AKT3: variants seen among roughly 807,000 people sequenced by gnomAD.
AKT3 encodes the protein AKT serine/threonine kinase 3.
In AKT3, 15 loss-of-function variants were observed where a neutral mutation model predicts 65.3. The observed-to-expected ratio is 0.23, with a 90% CI of 0.15 to 0.35. The LOEUF is 0.35. Among genes scored for constraint, AKT3 ranks in the 10% least tolerant of loss-of-function variants. The probability of loss-of-function intolerance (pLI) is 1.00; values close to 1 mark genes in which losing one functional copy is unlikely to be tolerated. For synonymous variants in AKT3, 206 were observed against 183.8 expected (o/e 1.12, Z -0.98); for missense variants, 243 against 576.5 (o/e 0.42, Z 5.92).
chr1:243,690,702 A>T (rs1275193975), intron 3 of AKT3, among the ~76,000 whole-genome samples: 1 of 144,968 alleles, frequency 6.9e-6, no homozygotes, highest in Non-Finnish European at 1.5e-5. Flanking sequence ...AGGTCTCATC[A>T]CCATAAATCT....
intron 6 of AKT3, among the ~76,000 whole-genome samples, chr1:243,617,889 A>G (rs932467451): frequency 1.3e-5 from 2 of 152,180 alleles, no homozygotes; most frequent in Non-Finnish European, 2.9e-5. Context: ...CATGCCTCCA[A>G]CATGAGAGTG....
chr1:243,629,726 G>A (rs556095311), intron 6 of AKT3, among the ~76,000 whole-genome samples: 86 of 151,964 alleles, frequency 5.7e-4, no homozygotes, highest in Non-Finnish European at 5.6e-4. Flanking sequence ...CAGGAGGCGG[G>A]GCTTGCAGTG....
At chr1:243,589,640 G>A (rs564332593) in intron 8 of AKT3, among the ~76,000 whole-genome samples, 2 of 152,230 alleles carry the variant, frequency 1.3e-5, no homozygotes, top group South Asian at 2.1e-4. Context: ...CATAAGAAAC[G>A]AAAAATAGAA....
chr1:243,652,771 CAAAAAAAA>C (rs371580711), intron 4 of AKT3, among the ~76,000 whole-genome samples: 1 of 31,290 alleles, frequency 3.2e-5, no homozygotes, highest in African/African-American at 1.3e-4. Flanking sequence ...AAATAGAAAG[CAAAAAAAA>C]AAAAAAAAAA....
chr1:243,547,102 A>T (rs1450553112), intron 11 of AKT3: 2 of 152,148 alleles, frequency 1.3e-5, no homozygotes, highest in African/African-American at 4.8e-5. Context: ...ACAAAACAGT[A>T]AGTGCAGCCC....
intron 2 of AKT3, among the ~76,000 whole-genome samples, chr1:243,736,955 CAT>C (rs1167726829): frequency 2.0e-5 from 3 of 152,108 alleles, no homozygotes; most frequent in Non-Finnish European, 2.9e-5. Context: ...ATTATCTGAA[CAT>C]AGAGCAATCT....
In AKT3 at chr1:243,668,078, T is replaced by C. The variant is rs186513365; in HGVS notation, c.173-3195A>G. On this transcript the variant is annotated intron_variant, in intron 3 of 13. Coordinates refer to ENST00000673466, the MANE Select transcript of AKT3 (RefSeq NM_005465.7). ...CCATTTTCTAACATTTGATATGAAG[T>C]TTTTTAGTATCTTTTTTGCTTATTG... Among the ~76,000 whole-genome samples the C allele has an allele frequency of 3.7e-3, 560 of 152,292 alleles. 2 individuals carry two copies. Among genetic ancestry groups the C allele is most frequent in the Non-Finnish European group, 5.0e-3 (338 of 68,026 alleles).
chr1:243,621,817 T>TC (rs555378282), intron 6 of AKT3, among the ~76,000 whole-genome samples: 1 of 152,154 alleles, frequency 6.6e-6, no homozygotes, highest in Non-Finnish European at 1.5e-5. Context: ...TCCTTTTTTT[T>TC]CCCACTCATA....
chr1:243,849,215 G>C (rs1189747991), intron 1 of AKT3, among the ~76,000 whole-genome samples: 1 of 152,226 alleles, frequency 6.6e-6, no homozygotes, highest in Admixed American at 6.5e-5. Flanking sequence ...AGGCTGGTCT[G>C]TTTACTTGCA....
intron 8 of AKT3, among the ~76,000 whole-genome samples, chr1:243,610,368 A>G (rs1284605715): frequency 6.6e-6 from 1 of 152,228 alleles, no homozygotes; most frequent in Admixed American, 6.5e-5. Context: ...CTAGGGTTAT[A>G]CCGTGAACAA....
chr1:243,748,680 A>G (rs1323726628), intron 2 of AKT3, among the ~76,000 whole-genome samples: 2 of 152,216 alleles, frequency 1.3e-5, no homozygotes, highest in East Asian at 1.9e-4. Context: ...CACAGTATTA[A>G]TAACTTGAAG....
chr1:243,522,795 A>G (rs374068030), intron 12 of AKT3, among the ~76,000 whole-genome samples: 10 of 152,210 alleles, frequency 6.6e-5, no homozygotes, highest in Non-Finnish European at 1.3e-4. Context: ...AACCAGAAAT[A>G]AATAAAAAAT....
intron 2 of AKT3, among the ~76,000 whole-genome samples, chr1:243,732,871 T>C (rs1310877757): frequency 6.6e-6 from 1 of 152,188 alleles, no homozygotes; most frequent in East Asian, 1.9e-4. Context: ...AGAATGTAAA[T>C]GTAAACAGGA....
intron 2 of AKT3, among the ~76,000 whole-genome samples, chr1:243,774,378 A>C (rs1418764445): frequency 6.6e-6 from 1 of 152,154 alleles, no homozygotes; most frequent in Non-Finnish European, 1.5e-5. Context: ...CTTTGAGTTA[A>C]TGTCTATAAA....
intron 6 of AKT3, among the ~76,000 whole-genome samples, chr1:243,634,621 G>A (rs1679844565): frequency 6.6e-6 from 1 of 151,654 alleles, no homozygotes; most frequent in Non-Finnish European, 1.5e-5. Context: ...AGCTAAAGGG[G>A]GTACTGCCAT....
intron 10 of AKT3, among the ~76,000 whole-genome samples, chr1:243,554,345 T>C (rs1270686341): frequency 6.6e-6 from 1 of 152,156 alleles, no homozygotes; most frequent in Non-Finnish European, 1.5e-5. Context: ...TATGAACACA[T>C]GTTTAGATCC....
At chr1:243,750,041 C>T (rs1368442150) in intron 2 of AKT3, among the ~76,000 whole-genome samples, 1 of 152,136 alleles carries the variant, frequency 6.6e-6, no homozygotes, top group African/African-American at 2.4e-5. Flanking sequence ...CTCATATAGG[C>T]TAAATGCAAT....
chr1:243,563,295 T>C lies in AKT3; in HGVS notation c.948+425A>G, dbSNP rs962152830. ...CAAAATGTAGCTACTGTCATTTCAATAATTTTCCCAATAAAATAATTTTAA... is the reference window on the plus strand; with the variant it reads ...CAAAATGTAGCTACTGTCATTTCAACAATTTTCCCAATAAAATAATTTTAA... On this transcript the variant is annotated intron_variant, in intron 10 of 13. Coordinates refer to ENST00000673466, the MANE Select transcript of AKT3 (RefSeq NM_005465.7). 2.0e-5 allele frequency among the ~76,000 whole-genome samples: 3 copies of C among 152,196 alleles called. No homozygotes were observed. In the East Asian group the frequency reaches 5.8e-4, roughly 29 times the overall value.
intron 3 of AKT3, among the ~76,000 whole-genome samples, chr1:243,691,549 G>A (rs558486876): frequency 4.6e-5 from 7 of 152,196 alleles, no homozygotes; most frequent in Admixed American, 6.5e-5. Context: ...AAGGATCATA[G>A]GTTCAAGAAA....
Sources: allele counts gnomAD v4.1 joint callset (sites outside exome capture counted in the v4.1 genomes callset), GRCh38; gene constraint gnomAD v4.1.1; transcripts MANE v1.5; gene names NCBI Gene and HGNC (gene_info 2026-07-23, HGNC 2026-07-21).